The following RIT1 variants were observed in gnomAD, a reference collection of about 807,000 sequenced individuals.
RIT1 encodes the protein Ras like without CAAX 1.
In RIT1, 6 loss-of-function variants were observed where a neutral mutation model predicts 25.6. The observed-to-expected ratio is 0.23, with a 90% CI of 0.13 to 0.46. The LOEUF is 0.46. RIT1 is among the 20% of genes least tolerant of loss of function. The probability of loss-of-function intolerance (pLI) is 0.99; values close to 1 mark genes in which losing one functional copy is unlikely to be tolerated. For missense variants in RIT1, 219 were observed against 284.4 expected, an observed-to-expected ratio of 0.77 and a Z score of 1.65; for synonymous variants, 81 against 94.1, an observed-to-expected ratio of 0.86 and a Z score of 0.80.
intron 3 of RIT1, among the ~76,000 whole-genome samples, chr1:155,909,372 C>T (rs1455268369): frequency 1.3e-5 from 2 of 150,306 alleles, no homozygotes; most frequent in African/African-American, 2.5e-5. Context: ...GGTGAGACAC[C>T]GTCTCCAAAA....
chr1:155,910,409 T>C (rs767393761), intron 3 of RIT1, 41 bp downstream of exon 3: 20 of 1,501,518 alleles, frequency 1.3e-5, no homozygotes, highest in Non-Finnish European at 1.8e-5. Context: ...AAGATATTTT[T>C]ATGGGGTATA....
rs1192209522 is a variant in RIT1 at position 155,898,905 on chromosome 1, CTG to C, written c.*1481_*1482del. ...TTTGTTTATAAAGAAAAACACAACT[CTG>C]TCCTACTTCCTCTAATAAAAATGGA... On this transcript the variant is annotated 3_prime_UTR_variant, in exon 6 of 6. Coordinates refer to ENST00000368323, the MANE Select transcript of RIT1 (RefSeq NM_006912.6). 2 of 208,042 alleles carry C rather than the reference CTG, an allele frequency of 9.6e-6. No individual in the cohort carries two copies. The highest frequency in any genetic ancestry group is 2.0e-5 in the Non-Finnish European group (2 of 102,094). 12.9% of individuals were successfully genotyped at this position (208,042 alleles called of 1,614,324 possible).
intron 5 of RIT1, among the ~76,000 whole-genome samples, chr1:155,902,734 A>G (rs1453066959): frequency 4.1e-5 from 6 of 147,578 alleles, no homozygotes; most frequent in Non-Finnish European, 9.0e-5. Flanking sequence ...CTAGCTACTC[A>G]GGAGGCTGAG....
intron 3 of RIT1, among the ~76,000 whole-genome samples, chr1:155,908,101 C>CA (rs766323071): frequency 0.062 from 8,283 of 134,016 alleles, 293 homozygotes; most frequent in Non-Finnish European, 0.083. Flanking sequence ...AAAAAAAAAA[C>CA]AAAAAAAAAA....
At position 155,898,970 on chromosome 1, in the gene RIT1, T is replaced by C. The variant is rs758200808; in HGVS notation, c.*1418A>G. On this transcript the variant is annotated 3_prime_UTR_variant, in exon 6 of 6. Coordinates refer to ENST00000368323, the MANE Select transcript of RIT1 (RefSeq NM_006912.6). ...GAGCTGTGTGCTTATAAAGAGGTGC[T>C]ACACAAGTCATCTTACGTTTCTAGT... is the stretch of plus-strand genomic sequence containing the variant. 2 of 213,442 alleles carry C rather than the reference T, an allele frequency of 9.4e-6. No individual in the cohort carries two copies. Among genetic ancestry groups the C allele is most frequent in the Non-Finnish European group, 1.9e-5 (2 of 105,478 alleles). 13.2% of individuals were successfully genotyped at this position (213,442 alleles called of 1,614,324 possible).
chr1:155,903,735 G>A (rs149195005), intron 5 of RIT1, among the ~76,000 whole-genome samples: 130 of 152,286 alleles, frequency 8.5e-4, no homozygotes, highest in Admixed American at 1.5e-3. Flanking sequence ...CCAGCCAGGC[G>A]CTGTGGCTCA....
Position 155,904,823 on chromosome 1 carries a change from G to A in RIT1, c.164-19C>T, listed in dbSNP as rs1673400518. 6.4e-7 allele frequency: 1 copy of A among 1,550,400 alleles called. No homozygotes were observed. The highest frequency in any genetic ancestry group is 1.7e-5 in the Admixed American group (1 of 59,872). On this transcript the variant is annotated intron_variant, in intron 3 of 5. Coordinates refer to ENST00000368323, the MANE Select transcript of RIT1 (RefSeq NM_006912.6). The stretch of plus-strand genomic sequence containing the variant: ...GCATCTTCTACAGGAGGGAAGAAAG[G>A]TGTACTATAAAGTCATAAATGCCGG...
Position 155,899,644 on chromosome 1 carries a change from T to TTA in RIT1, c.*743_*744insTA, listed in dbSNP as rs529429988. 4 of 207,864 alleles carry TTA rather than the reference T, an allele frequency of 1.9e-5. No individual in the cohort carries two copies. The highest frequency in any genetic ancestry group is 1.8e-4 in the Admixed American group (3 of 16,646). The allele number at this position is 207,864 out of a possible 1,614,324, so 12.9% of individuals were successfully genotyped here. ...TTCCCAAAATGTCTACCTTTGAAGG[T>TTA]AAAAAAAAAAAGAAAACCCTGAAAT... On this transcript the variant is annotated 3_prime_UTR_variant, in exon 6 of 6. Transcript: ENST00000368323.
intron 1 of RIT1, 59 bp downstream of exon 1, chr1:155,911,184 T>G: frequency 2.3e-6 from 1 of 440,172 alleles, no homozygotes; most frequent in Admixed American, 4.2e-5. Context: ...CCCATTCTCC[T>G]CCGAACCCCC....
intron 3 of RIT1, among the ~76,000 whole-genome samples, chr1:155,905,830 T>A (rs1443878843): frequency 6.6e-6 from 1 of 151,620 alleles, no homozygotes; most frequent in African/African-American, 2.4e-5. Context: ...TATAATTCAC[T>A]ATTTTTTTTT....
In RIT1 at chr1:155,900,198, C is replaced by A; in HGVS notation, c.*190G>T. 1.8e-6 allele frequency: 1 copy of A among 554,244 alleles called. No homozygotes were observed. The highest frequency in any genetic ancestry group is 2.5e-5 in the South Asian group (1 of 39,810). The allele number at this position is 554,244 out of a possible 1,614,324, so 34.3% of individuals were successfully genotyped here. ...TGTGACAATTTAAAAGCAGACAGTGCTCCACTGGGTTAATAAATCATACTT... is the reference window on the plus strand; with the variant it reads ...TGTGACAATTTAAAAGCAGACAGTGATCCACTGGGTTAATAAATCATACTT... On this transcript the variant is annotated 3_prime_UTR_variant, in exon 6 of 6. Transcript: ENST00000368323.
chr1:155,909,172 G>A (rs1020488895), intron 3 of RIT1, among the ~76,000 whole-genome samples: 4 of 151,688 alleles, frequency 2.6e-5, no homozygotes, highest in African/African-American at 4.8e-5. Context: ...TCAGGAGATT[G>A]AGACCATCCT....
At chr1:155,910,305 T>C in intron 3 of RIT1, 145 bp downstream of exon 3, 2 of 670,322 alleles carry the variant, frequency 3.0e-6, no homozygotes, top group Non-Finnish European at 5.1e-6. Flanking sequence ...TTCAGTTGCT[T>C]ACCAACTGCT....
intron 5 of RIT1, 141 bp from the exon 6 acceptor site, chr1:155,900,759 T>G: frequency 1.6e-6 from 1 of 635,904 alleles, no homozygotes; most frequent in East Asian, 2.7e-5. Context: ...TTTTGTAATT[T>G]TAGGCTAGAT....
At chr1:155,901,822 A>C (rs1046337581) in intron 5 of RIT1, among the ~76,000 whole-genome samples, 2 of 150,560 alleles carry the variant, frequency 1.3e-5, no homozygotes, top group Admixed American at 6.6e-5. Context: ...TGTCTCAAGA[A>C]AAAAAAAAGT....
At chr1:155,900,803 A>G (rs367960228) in intron 5 of RIT1, among the ~76,000 whole-genome samples, 185 bp from the exon 6 acceptor site, 1 of 152,138 alleles carries the variant, frequency 6.6e-6, no homozygotes, top group Non-Finnish European at 1.5e-5. Context: ...CCTTCAAATG[A>G]TATGATTCTA....
intron 3 of RIT1, among the ~76,000 whole-genome samples, chr1:155,906,227 G>A (rs2102586371): frequency 6.6e-6 from 1 of 151,560 alleles, no homozygotes; most frequent in African/African-American, 2.4e-5. Flanking sequence ...GGAAAATATA[G>A]AAAACTAAAA....
Position 155,899,154 on chromosome 1 carries a change from A to C in RIT1, c.*1234T>G. ...ATATTTAAAGCTGTTTCCTCCTAGG[A>C]CTACAGTTCCTAAACTATGCACAGG... On this transcript the variant is annotated 3_prime_UTR_variant, in exon 6 of 6. Coordinates refer to ENST00000368323, the MANE Select transcript of RIT1 (RefSeq NM_006912.6). 3 of 207,454 alleles carry C rather than the reference A, an allele frequency of 1.4e-5. No individual in the cohort carries two copies. Among genetic ancestry groups the C allele is most frequent in the Non-Finnish European group, 3.0e-5 (3 of 101,446 alleles). The allele number at this position is 207,454 out of a possible 1,614,324, so 12.9% of individuals were successfully genotyped here. A position where few individuals can be genotyped will look rare whatever the true frequency, so the allele number is the denominator to read the frequency against.
rs2102580925 is a variant in RIT1, at chr1:155,900,474, C to T, written c.574G>A (p.Ala192Thr). Residue 192 changes from alanine (A) to threonine (T), a missense_variant, in exon 6 of 6, where the codon GCC becomes ACC. Ala to Thr is a moderately conservative substitution (Grantham distance 58). This residue lies in a region of RIT1 where 81 missense variants were observed against 83.8 expected (regional missense o/e 0.97). Transcript: ENST00000368323. ...IRRKEKEAVL[A>T]MEKKSKPKNS... Reference sequence around the variant, plus strand: ...TTGGGCTTAGATTTTTTCTCCATGGCCAGTACTGCCTCCTTTTCTTTCCTA... The same window carrying T: ...TTGGGCTTAGATTTTTTCTCCATGGTCAGTACTGCCTCCTTTTCTTTCCTA... 2 of 1,614,114 alleles carry T rather than the reference C, an allele frequency of 1.2e-6. No individual in the cohort carries two copies. The highest frequency in any genetic ancestry group is 1.7e-6 in the Non-Finnish European group (2 of 1,179,992).
Sources: gnomAD v4.1 joint callset for allele counts (sites outside exome capture counted in the v4.1 genomes callset) on GRCh38, gnomAD v4.1.1 for gene constraint, gnomAD v4.1.1 regional missense constraint, MANE v1.5 for transcripts, NCBI Gene and HGNC (gene_info 2026-07-23, HGNC 2026-07-21) for gene names.